PLEKHD1: variants seen among roughly 807,000 people sequenced by gnomAD.
PLEKHD1 encodes the protein pleckstrin homology domain-containing family D member 1.
Under a neutral mutation model 69.2 loss-of-function variants are expected in PLEKHD1, and 51 were observed. The ratio of observed to expected loss-of-function variants is 0.74; its 90% CI spans 0.59 to 0.93. The LOEUF is 0.93. Among genes scored for constraint, PLEKHD1 ranks in the 40% least tolerant of loss-of-function variants. PLEKHD1 has a pLI of 0.00. For missense variants in PLEKHD1, 584 were observed against 641.0 expected (o/e 0.91, Z 0.96); for synonymous variants, 236 against 244.7 (o/e 0.96, Z 0.33).
intron 6 of PLEKHD1, among the ~76,000 whole-genome samples, chr14:69,511,254 G>T (rs1883265057): frequency 6.6e-6 from 1 of 152,142 alleles, no homozygotes; most frequent in Non-Finnish European, 1.5e-5. Context: ...TGCCTCCTGG[G>T]TTCAAGCGAT....
intron 6 of PLEKHD1, among the ~76,000 whole-genome samples, chr14:69,506,840 T>C (rs893777275): frequency 1.3e-5 from 2 of 150,864 alleles, no homozygotes; most frequent in African/African-American, 2.5e-5. Context: ...ACACAATAGT[T>C]TCACTGCCCT....
chr14:69,469,684 G>A, the PLEKHD1 span, among the ~76,000 whole-genome samples: 301 of 152,070 alleles, frequency 2.0e-3, 1 homozygote, highest in African/African-American at 7.0e-3. Flanking sequence ...GCACGGAGAC[G>A]ACTGGTGTGA....
chr14:69,526,249 C>T, intron 9 of PLEKHD1, 127 bp downstream of exon 9: 2 of 1,002,634 alleles, frequency 2.0e-6, no homozygotes, highest in Middle Eastern at 6.6e-4. Context: ...CTTCCTTTTG[C>T]CTAGGACTCT....
In PLEKHD1 at chr14:69,528,071, G is replaced by A. The variant is rs114405670; in HGVS notation, c.1351+139G>A. On this transcript the variant is annotated intron_variant, in intron 12 of 12. Coordinates refer to ENST00000322564, the MANE Select transcript of PLEKHD1 (RefSeq NM_001161498.2). The stretch of plus-strand genomic sequence containing the variant: ...CTGGCCCCACCATCCTTGGGCAAAC[G>A]GGTGAATTCTCAGGGCCCTGGGTTT... 6.7e-4 allele frequency: 975 copies of A among 1,455,654 alleles called. 4 individuals carry two copies. The African/African-American group carries it at 0.012, about 19-fold the overall frequency. The allele number at this position is 1,455,654 out of a possible 1,614,324, so 90.2% of individuals were successfully genotyped here.
chr14:69,525,806 G>A (rs897675760), intron 8 of PLEKHD1, 138 bp from the exon 9 acceptor site: 2 of 824,614 alleles, frequency 2.4e-6, no homozygotes, highest in Admixed American at 5.9e-5. Context: ...TAGCTCTGGA[G>A]AAGAATGAAG....
upstream of PLEKHD1, among the ~76,000 whole-genome samples, chr14:69,480,986 G>A (rs748641228): frequency 7.2e-5 from 11 of 152,154 alleles, no homozygotes; most frequent in Non-Finnish European, 1.2e-4. Flanking sequence ...GATTCCCTAC[G>A]GTATTCACAC....
chr14:69,525,935 C>T lies in PLEKHD1; in HGVS notation c.745-9C>T. ...GGGCTTTTCTTTTCCTTGCCTCCCT[C>T]CATGCCAGGAACTCTCCATAGAGAA... On this transcript the variant is annotated splice_polypyrimidine_tract_variant and intron_variant, in intron 8 of 12. Transcript: ENST00000322564. 1 of 1,545,474 alleles carries T rather than the reference C, an allele frequency of 6.5e-7. No homozygotes were observed.
intron 6 of PLEKHD1, among the ~76,000 whole-genome samples, chr14:69,510,009 A>G (rs909593281): frequency 2.0e-5 from 3 of 151,120 alleles, no homozygotes; most frequent in Non-Finnish European, 1.5e-5. Flanking sequence ...TGAATTGACT[A>G]TATTTATGTT....
In PLEKHD1 at chr14:69,484,773, C is replaced by G. The variant is rs1232794441; in HGVS notation, c.-193C>G. ...TGCAATCCGGAGCCCAAGCCGCCGG[C>G]TACGCGCCCTGCGCCCCCTTGGTGC... On this transcript the variant is annotated 5_prime_UTR_variant, in exon 1 of 13. Coordinates refer to ENST00000322564, the MANE Select transcript of PLEKHD1 (RefSeq NM_001161498.2). The G allele has an allele frequency of 1.1e-5, 7 of 610,048 alleles. No individual in the cohort carries two copies. Among genetic ancestry groups the G allele is most frequent in the Admixed American group, 3.3e-5 (1 of 30,544 alleles). The allele number at this position is 610,048 out of a possible 1,614,324, so 37.8% of individuals were successfully genotyped here. A position where few individuals can be genotyped will look rare whatever the true frequency, so the allele number is the denominator to read the frequency against.
At chr14:69,527,983 A>T in intron 12 of PLEKHD1, 51 bp downstream of exon 12, 1 of 1,549,062 alleles carries the variant, frequency 6.5e-7, no homozygotes. Context: ...AGGCAGGAAG[A>T]GGGCAACATG....
At chr14:69,474,143 C>T in the PLEKHD1 span, among the ~76,000 whole-genome samples, 1 of 152,178 alleles carries the variant, frequency 6.6e-6, no homozygotes, top group African/African-American at 2.4e-5. Flanking sequence ...AAATTCCAGG[C>T]ACCTAGCTAG....
chr14:69,515,931 G>A (rs947877410), intron 6 of PLEKHD1, among the ~76,000 whole-genome samples: 1 of 152,182 alleles, frequency 6.6e-6, no homozygotes, highest in Non-Finnish European at 1.5e-5. Flanking sequence ...TTTCAATTTT[G>A]GGAATAGAAC....
rs1594970745 is a variant in PLEKHD1, at chr14:69,485,110, C to T, written c.145C>T (p.Arg49Trp). The change falls in exon 1 of 13, where the codon CGG (arginine) becomes TGG (tryptophan). Residue 49 changes from arginine (R) to tryptophan (W), a missense_variant. Transcript: ENST00000322564. ...PFGRPSAKWS[R>W]RFFIIKESFL... ...CGGCAGGCCGTCGGCCAAGTGGTCC[C>T]GGCGGTGAGTGCGCCCCCGCGCCCC... The T allele has an allele frequency of 6.5e-7, 1 of 1,549,642 alleles. No homozygotes were observed. Among genetic ancestry groups the T allele is most frequent in the Non-Finnish European group, 8.7e-7 (1 of 1,146,160 alleles).
In PLEKHD1 at chr14:69,500,959, C is replaced by T; in HGVS notation, c.410+12C>T. The T allele has an allele frequency of 6.4e-7, 1 of 1,551,316 alleles. No homozygotes were observed. Among genetic ancestry groups the T allele is most frequent in the Non-Finnish European group, 8.7e-7 (1 of 1,146,912 alleles). Reference sequence around the variant, plus strand: ...GAGTCTGGGAAGGTGTAAGTGCTCACAGCCAGGAGGGCAGCCTGCAGATCC... The same window carrying T: ...GAGTCTGGGAAGGTGTAAGTGCTCATAGCCAGGAGGGCAGCCTGCAGATCC... On this transcript the variant is annotated intron_variant, in intron 4 of 12. Coordinates refer to ENST00000322564, the MANE Select transcript of PLEKHD1 (RefSeq NM_001161498.2).
At chr14:69,498,232 C>T (rs1882935504) in intron 1 of PLEKHD1, among the ~76,000 whole-genome samples, 1 of 151,808 alleles carries the variant, frequency 6.6e-6, no homozygotes, top group Non-Finnish European at 1.5e-5. Context: ...GCCTGAGCCA[C>T]CACACCTGGC....
intron 1 of PLEKHD1, among the ~76,000 whole-genome samples, chr14:69,490,642 C>A (rs1882758712): frequency 1.3e-5 from 2 of 152,190 alleles, no homozygotes; most frequent in South Asian, 4.1e-4. Context: ...ATGACTCATG[C>A]ATTTCACAGA....
chr14:69,479,521 T>A, the PLEKHD1 span, among the ~76,000 whole-genome samples: 1 of 151,932 alleles, frequency 6.6e-6, no homozygotes, highest in Non-Finnish European at 1.5e-5. Context: ...GAAAGGTGAA[T>A]ATGAGCCAGG....
chr14:69,515,042 A>G (rs138573617), intron 6 of PLEKHD1, among the ~76,000 whole-genome samples: 2,682 of 152,266 alleles, frequency 0.018, 75 homozygotes, highest in African/African-American at 0.06. Context: ...TACTAAAAAT[A>G]CAAAAATTAG....
intron 1 of PLEKHD1, among the ~76,000 whole-genome samples, chr14:69,497,981 G>A (rs1488015388): frequency 6.6e-6 from 1 of 151,998 alleles, no homozygotes; most frequent in Non-Finnish European, 1.5e-5. Context: ...GAGGCCAAGA[G>A]TTCGAGGCCA....
Sources: allele counts gnomAD v4.1 joint callset (sites outside exome capture counted in the v4.1 genomes callset), GRCh38; gene constraint gnomAD v4.1.1; transcripts MANE v1.5; gene names NCBI Gene and HGNC (gene_info 2026-07-23, HGNC 2026-07-21).